The following AP2A2 variants were observed in gnomAD, a reference collection of about 807,000 sequenced individuals.
AP2A2 encodes the protein AP-2 complex subunit alpha-2.
AP2A2 carries 32 observed loss-of-function variants against 104.2 expected under a neutral mutation model. The observed-to-expected ratio is 0.31, with a 90% CI of 0.23 to 0.41. The LOEUF (loss-of-function observed/expected upper bound fraction) is 0.41. Among genes scored for constraint, AP2A2 ranks in the 10% least tolerant of loss-of-function variants. The probability of loss-of-function intolerance (pLI) is 1.00; values close to 1 mark genes in which losing one functional copy is unlikely to be tolerated. For synonymous variants in AP2A2, 539 were observed against 533.3 expected (o/e 1.01, Z -0.15); for missense variants, 912 against 1,261.0 (o/e 0.72, Z 4.19).
intron 10 of AP2A2, among the ~76,000 whole-genome samples, chr11:990,266 C>G (rs1055111161): frequency 1.3e-5 from 2 of 152,140 alleles, no homozygotes; most frequent in South Asian, 4.1e-4. Flanking sequence ...GCAGGAGGCC[C>G]CAAGGGCAGG....
intron 2 of AP2A2, among the ~76,000 whole-genome samples, chr11:965,491 T>C (rs1459946682): frequency 6.6e-6 from 1 of 152,224 alleles, no homozygotes; most frequent in Non-Finnish European, 1.5e-5. Flanking sequence ...GGTGTGACCA[T>C]CTGATGTGTG....
chr11:928,299 T>C (rs974847065), intron 1 of AP2A2, among the ~76,000 whole-genome samples: 2 of 152,246 alleles, frequency 1.3e-5, no homozygotes, highest in African/African-American at 4.8e-5. Flanking sequence ...TACAGTTCTT[T>C]TTTATTATTG....
chr11:925,988 T>C lies in AP2A2; in HGVS notation c.-34T>C, dbSNP rs2134437157. ...CGCTCCCCGCGCTCCTCCGCCCGGG[T>C]CCGCCAGCCGAGGCCGCTCCCGAGC... is the stretch of plus-strand genomic sequence containing the variant. On this transcript the variant is annotated 5_prime_UTR_variant, in exon 1 of 22. Transcript: ENST00000448903. The C allele has an allele frequency of 7.2e-7, 1 of 1,383,874 alleles. No individual in the cohort carries two copies. Among genetic ancestry groups the C allele is most frequent in the South Asian group, 1.5e-5 (1 of 65,400 alleles). The allele number at this position is 1,383,874 out of a possible 1,614,324, so 85.7% of individuals were successfully genotyped here. A position where few individuals can be genotyped will look rare whatever the true frequency, so the allele number is the denominator to read the frequency against.
intron 4 of AP2A2, among the ~76,000 whole-genome samples, chr11:975,319 G>A (rs1190772250): frequency 6.6e-6 from 1 of 151,712 alleles, no homozygotes; most frequent in Non-Finnish European, 1.5e-5. Flanking sequence ...GGGGTCCTCG[G>A]TCTCCCTCGT....
intron 2 of AP2A2, among the ~76,000 whole-genome samples, chr11:969,335 A>G (rs947630245): frequency 4.1e-5 from 6 of 147,652 alleles, no homozygotes; most frequent in Non-Finnish European, 5.9e-5. Flanking sequence ...GGTTCAAGCA[A>G]TTCTCTGCCT....
At chr11:973,215 C>T (rs1338335417) in intron 4 of AP2A2, among the ~76,000 whole-genome samples, 4 of 152,180 alleles carry the variant, frequency 2.6e-5, no homozygotes, top group Admixed American at 6.5e-5. Flanking sequence ...CAGGCCTAGA[C>T]CGGCGTCTCA....
At chr11:983,619 G>T (rs574145141) in intron 6 of AP2A2, among the ~76,000 whole-genome samples, 2 of 151,588 alleles carry the variant, frequency 1.3e-5, no homozygotes, top group Non-Finnish European at 2.9e-5. Context: ...TCCTGACCTT[G>T]TGATCCGCCC....
chr11:928,191 G>A (rs891938326), intron 1 of AP2A2, among the ~76,000 whole-genome samples: 1 of 152,162 alleles, frequency 6.6e-6, no homozygotes, highest in South Asian at 2.1e-4. Flanking sequence ...CACCTTCTGA[G>A]GTTTCAGTTA....
intron 1 of AP2A2, among the ~76,000 whole-genome samples, chr11:950,388 A>AATCTCCACCTCCC (rs1854013131): frequency 1.3e-5 from 2 of 149,614 alleles, no homozygotes; most frequent in South Asian, 4.2e-4. Context: ...GTTTCACTGC[A>AATCTCCACCTCCC]ATCTCCACCT....
intron 1 of AP2A2, among the ~76,000 whole-genome samples, chr11:940,154 A>G (rs1328244345): frequency 6.6e-6 from 1 of 151,828 alleles, no homozygotes; most frequent in East Asian, 1.9e-4. Context: ...GGGTTTCGCC[A>G]TGTTGGCCAG....
intron 18 of AP2A2, 81 bp downstream of exon 18, chr11:1,008,216 G>A (rs939230268): frequency 1.0e-5 from 15 of 1,482,454 alleles, no homozygotes; most frequent in Admixed American, 4.5e-5. Flanking sequence ...CTGTGCCTCC[G>A]TGTCCTTCCT....
Position 1,006,474 on chromosome 11 carries a change from T to C in AP2A2, c.2207-54T>C. Reference sequence around the variant, plus strand: ...GGGCTCTTGTTTTTCAGGGTAAATATTCAGGGTAAGTGTGAAATGGTGTGT... The same window carrying C: ...GGGCTCTTGTTTTTCAGGGTAAATACTCAGGGTAAGTGTGAAATGGTGTGT... On this transcript the variant is annotated intron_variant, in intron 16 of 21. Transcript: ENST00000448903. 2.4e-6 allele frequency: 3 copies of C among 1,266,098 alleles called. No homozygotes were observed. The Admixed American group carries it at 5.4e-5, about 23-fold the overall frequency. The allele number at this position is 1,266,098 out of a possible 1,614,324, so 78.4% of individuals were successfully genotyped here.
chr11:985,064 A>G (rs555145713), intron 7 of AP2A2, among the ~76,000 whole-genome samples: 81 of 152,098 alleles, frequency 5.3e-4, no homozygotes, highest in Non-Finnish European at 9.7e-4. Flanking sequence ...GCTCACTGCA[A>G]CCTCTGCCTC....
intron 10 of AP2A2, among the ~76,000 whole-genome samples, chr11:991,991 G>T (rs1590003020): frequency 6.6e-6 from 1 of 152,118 alleles, no homozygotes; most frequent in Admixed American, 6.5e-5. Context: ...GGGGGCACCC[G>T]TGAGAGTGAG....
At chr11:985,754 C>G (rs533339949) in intron 8 of AP2A2, among the ~76,000 whole-genome samples, 172 bp downstream of exon 8, 2 of 152,358 alleles carry the variant, frequency 1.3e-5, no homozygotes, top group South Asian at 4.1e-4. Context: ...AGCCCGGCCC[C>G]TCCTGCTCTG....
intron 2 of AP2A2, among the ~76,000 whole-genome samples, chr11:969,146 G>A (rs1160932441): frequency 1.3e-5 from 2 of 151,382 alleles, no homozygotes; most frequent in Admixed American, 1.3e-4. Flanking sequence ...TCCACAGCCT[G>A]CTGGAGGCTG....
At chr11:944,411 A>G (rs1853762609) in intron 1 of AP2A2, among the ~76,000 whole-genome samples, 1 of 152,338 alleles carries the variant, frequency 6.6e-6, no homozygotes, top group South Asian at 2.1e-4. Flanking sequence ...GGACTATGGC[A>G]GGGAAAAAAC....
intron 1 of AP2A2, among the ~76,000 whole-genome samples, chr11:957,663 T>C (rs1019742894): frequency 4.6e-5 from 7 of 152,192 alleles, no homozygotes; most frequent in Admixed American, 4.6e-4. Context: ...AATATCACAA[T>C]TGGATATTAT....
At chr11:1,009,031 C>A in intron 18 of AP2A2, 69 bp from the exon 19 acceptor site, 1 of 1,352,588 alleles carries the variant, frequency 7.4e-7, no homozygotes, top group Non-Finnish European at 1.0e-6. Context: ...ACTCCAGGCT[C>A]TTTCCCGGTC....
Sources: gnomAD v4.1 joint callset for allele counts (sites outside exome capture counted in the v4.1 genomes callset) on GRCh38, gnomAD v4.1.1 for gene constraint, MANE v1.5 for transcripts, NCBI Gene and HGNC (gene_info 2026-07-23, HGNC 2026-07-21) for gene names.